Variants in FAM234A observed in about 807,000 individuals in gnomAD.
FAM234A encodes the protein family with sequence similarity 234 member A.
A neutral mutation model predicts 49.1 loss-of-function variants in FAM234A; 42 were observed. That is an observed-to-expected ratio of 0.86 (90% CI 0.67 to 1.11). FAM234A has a LOEUF of 1.11. Among genes scored for constraint, FAM234A ranks in the 50% least tolerant of loss-of-function variants. The pLI is 0.00. For synonymous variants in FAM234A, 369 were observed against 316.2 expected, an observed-to-expected ratio of 1.17 and a Z score of -1.77; for missense variants, 815 against 745.2, an observed-to-expected ratio of 1.09 and a Z score of -1.09.
chr16:253,928 G>A (rs757729289), intron 2 of FAM234A: 6 of 170,710 alleles, frequency 3.5e-5, no homozygotes, highest in Admixed American at 1.2e-4. Context: ...TCTTCACTCC[G>A]GGTACTTTGA....
chr16:259,524 A>G lies in FAM234A; in HGVS notation c.310A>G (p.Arg104Gly). ...FLAVDDINGD[R>G]IQDVLFLYKN... ...GGCTGTGGATGATATAAACGGGGAC[A>G]GGATCCAAGATGTTCTTTTTCTTTA... Residue 104 changes from arginine (R) to glycine (G), a missense_variant, in exon 4 of 13, where the codon AGG (arginine) becomes GGG (glycine). Arg to Gly is a moderately radical substitution (Grantham distance 125). Transcript: ENST00000399932. 6.2e-7 allele frequency: 1 copy of G among 1,610,718 alleles called. No individual in the cohort carries two copies. The highest frequency in any genetic ancestry group is 1.3e-5 in the African/African-American group (1 of 74,982).
At chr16:246,304 G>C (rs572124682) in intron 1 of FAM234A, among the ~76,000 whole-genome samples, 1 of 142,976 alleles carries the variant, frequency 7.0e-6, no homozygotes, top group Admixed American at 7.0e-5. Flanking sequence ...TTTTTGTGAC[G>C]AGGTCTCACT....
chr16:263,504 G>C, intron 9 of FAM234A, 102 bp downstream of exon 9: 2 of 1,496,600 alleles, frequency 1.3e-6, no homozygotes, highest in Non-Finnish European at 1.8e-6. Flanking sequence ...GGTGGGGCCG[G>C]AGGCCGTGTG....
intron 2 of FAM234A, among the ~76,000 whole-genome samples, chr16:251,946 T>C (rs2051030940): frequency 7.1e-6 from 1 of 140,500 alleles, no homozygotes; most frequent in Non-Finnish European, 1.5e-5. Flanking sequence ...GAGCTTACAG[T>C]GAGCCAAGAT....
At chr16:262,003 C>T in intron 6 of FAM234A, 90 bp from the exon 7 acceptor site, 1 of 960,182 alleles carries the variant, frequency 1.0e-6, no homozygotes, top group Non-Finnish European at 1.3e-6. Flanking sequence ...ATTGCAGCCC[C>T]AGGCTCAGGT....
chr16:243,309 T>C (rs2050683818), intron 1 of FAM234A, among the ~76,000 whole-genome samples: 1 of 152,096 alleles, frequency 6.6e-6, no homozygotes, highest in African/African-American at 2.4e-5. Flanking sequence ...ATTAGCTTGT[T>C]GAGTTCTGTT....
At chr16:268,113 CAT>C (rs1596875494), downstream of FAM234A, among the ~76,000 whole-genome samples, 1 of 149,676 alleles carries the variant, frequency 6.7e-6, no homozygotes, top group East Asian at 2.0e-4. Context: ...ACACATGCCT[CAT>C]ACACACGACA....
chr16:269,574 T>C (rs765122110), downstream of FAM234A: 2 of 1,613,126 alleles, frequency 1.2e-6, no homozygotes, highest in South Asian at 1.1e-5. Context: ...TCAGGAACCT[T>C]GGGTAGGAGT....
At chr16:252,307 G>A (rs1467399890) in intron 2 of FAM234A, among the ~76,000 whole-genome samples, 4 of 150,038 alleles carry the variant, frequency 2.7e-5, no homozygotes, top group East Asian at 4.0e-4. Flanking sequence ...TCAGCCTCCC[G>A]AGTAGCTGGG....
intron 8 of FAM234A, among the ~76,000 whole-genome samples, chr16:262,964 C>T (rs567189737): frequency 6.6e-5 from 10 of 151,980 alleles, no homozygotes; most frequent in African/African-American, 1.9e-4. Context: ...GGATTACAGG[C>T]GCGCACCTCC....
At chr16:237,537 AGGCTAGT>A (rs1364311075) in intron 1 of FAM234A, among the ~76,000 whole-genome samples, 1 of 152,064 alleles carries the variant, frequency 6.6e-6, no homozygotes, top group Non-Finnish European at 1.5e-5. Flanking sequence ...CTCACTCACA[AGGCTAGT>A]GACTGGAAGC....
At chr16:250,242 T>A (rs2050954522) in intron 2 of FAM234A, among the ~76,000 whole-genome samples, 1 of 152,216 alleles carries the variant, frequency 6.6e-6, no homozygotes. Flanking sequence ...GGAATCTATG[T>A]TTTAAACATT....
chr16:261,593 C>T (rs1189616446), intron 6 of FAM234A, 79 bp downstream of exon 6: 1 of 1,482,708 alleles, frequency 6.7e-7, no homozygotes, highest in Non-Finnish European at 9.0e-7. Flanking sequence ...CATCTGCTGC[C>T]ACTTCCCAGA....
intron 2 of FAM234A, among the ~76,000 whole-genome samples, chr16:250,518 C>G (rs2050963386): frequency 6.6e-6 from 1 of 152,152 alleles, no homozygotes; most frequent in South Asian, 2.1e-4. Flanking sequence ...CTTTGATAAG[C>G]ACACCTTTTC....
Position 265,723 on chromosome 16 carries a change from C to T in FAM234A, c.*701C>T, listed in dbSNP as rs1179940646. 7.1e-6 allele frequency: 7 copies of T among 985,492 alleles called. No individual in the cohort carries two copies. Among genetic ancestry groups the T allele is most frequent in the African/African-American group, 1.7e-5 (1 of 57,230 alleles). The allele number at this position is 985,492 out of a possible 1,614,324, so 61.0% of individuals were successfully genotyped here. ...GAGCCCGTGGCCGCTCACAGGTGTC[C>T]TTAGTGGTGTTGCAGCTGTCTACTG... On this transcript the variant is annotated 3_prime_UTR_variant, in exon 13 of 13. Transcript: ENST00000399932.
intron 3 of FAM234A, among the ~76,000 whole-genome samples, chr16:257,913 G>A (rs1381260965): frequency 7.3e-5 from 11 of 151,674 alleles, no homozygotes; most frequent in Non-Finnish European, 1.2e-4. Context: ...GCTGGAGTGC[G>A]GTGGCTCAAT....
chr16:262,166 A>G lies in FAM234A; in HGVS notation c.782A>G (p.Glu261Gly). The change falls in exon 7 of 13, where the codon GAA becomes GGA. Residue 261 changes from glutamate to glycine, a missense_variant. Transcript: ENST00000399932. ...GLRGSLGVDG[E>G]SGFLLHVTRT... ...AGAGGCAGCCTTGGTGTGGACGGGG[A>G]AAGTGGCTTCCTCCTTCACGTCACC... is the stretch of plus-strand genomic sequence containing the variant. The G allele has an allele frequency of 1.2e-6, 2 of 1,613,956 alleles. No individual in the cohort carries two copies. Among genetic ancestry groups the G allele is most frequent in the East Asian group, 4.5e-5 (2 of 44,870 alleles).
intron 2 of FAM234A, among the ~76,000 whole-genome samples, chr16:252,627 C>G (rs142476478): frequency 9.7e-4 from 148 of 152,314 alleles, no homozygotes; most frequent in African/African-American, 3.0e-3. Context: ...CAGCAACGTA[C>G]GATGTTCTGA....
chr16:244,315 G>C (rs2050727084), intron 1 of FAM234A, among the ~76,000 whole-genome samples: 1 of 152,182 alleles, frequency 6.6e-6, no homozygotes, highest in South Asian at 2.1e-4. Flanking sequence ...TGATTATTTT[G>C]TAATGGAGAA....
Sources: gnomAD v4.1 joint callset for allele counts (sites outside exome capture counted in the v4.1 genomes callset) on GRCh38, gnomAD v4.1.1 for gene constraint, MANE v1.5 for transcripts, NCBI Gene and HGNC (gene_info 2026-07-23, HGNC 2026-07-21) for gene names.